TRIM48: variants seen among roughly 807,000 people sequenced by gnomAD.
TRIM48 encodes the protein tripartite motif containing 48.
A neutral mutation model predicts 29.5 loss-of-function variants in TRIM48; 31 were observed. The ratio of observed to expected loss-of-function variants is 1.05; its 90% CI spans 0.79 to 1.42. TRIM48 has a LOEUF of 1.42. Among genes scored for constraint, TRIM48 ranks in the 40% most tolerant of loss-of-function variants. TRIM48 has a pLI of 0.00. For synonymous variants in TRIM48, 128 were observed against 90.6 expected, an observed-to-expected ratio of 1.41 and a Z score of -2.34; for missense variants, 344 against 265.0, an observed-to-expected ratio of 1.30 and a Z score of -2.07.
chr11:55,263,281 G>T (rs1300321562), intron 1 of TRIM48, among the ~76,000 whole-genome samples: 1 of 152,102 alleles, frequency 6.6e-6, no homozygotes, highest in Non-Finnish European at 1.5e-5. Context: ...GGAGCAATAG[G>T]CTGTACTGTA....
At position 55,264,886 on chromosome 11, in the gene TRIM48, T is replaced by A. The variant is rs1857361644; in HGVS notation, c.45-14T>A. ...CCCAGACCCCAAAATGACATGCTGCTCTTTCTTCCTCAGAAACATGAATTC... is the reference window on the plus strand; with the variant it reads ...CCCAGACCCCAAAATGACATGCTGCACTTTCTTCCTCAGAAACATGAATTC... On this transcript the variant is annotated splice_polypyrimidine_tract_variant and intron_variant, in intron 1 of 5. Coordinates refer to ENST00000417545, the MANE Select transcript of TRIM48 (RefSeq NM_024114.5). 6.3e-7 allele frequency: 1 copy of A among 1,582,842 alleles called. No homozygotes were observed. The highest frequency in any genetic ancestry group is 1.4e-5 in the African/African-American group (1 of 73,474).
chr11:55,267,364 G>A (rs1318358062), intron 3 of TRIM48: 1 of 1,527,162 alleles, frequency 6.5e-7, no homozygotes, highest in Non-Finnish European at 8.9e-7. Context: ...AATAGGAGAT[G>A]GATATATACA....
intron 5 of TRIM48, 132 bp downstream of exon 5, chr11:55,269,471 A>C (rs1383572118): frequency 8.1e-7 from 1 of 1,237,940 alleles, no homozygotes; most frequent in Non-Finnish European, 1.1e-6. Flanking sequence ...TAATCATGCA[A>C]CCCTTTTGTA....
intron 5 of TRIM48, among the ~76,000 whole-genome samples, chr11:55,270,158 G>T (rs1004238409): frequency 1.4e-5 from 2 of 148,044 alleles, no homozygotes; most frequent in African/African-American, 2.5e-5. Context: ...TGCAAATTTT[G>T]CTTTGAAAAT....
In TRIM48 at chr11:55,270,585, C is replaced by A; in HGVS notation, c.*150C>A. The A allele has an allele frequency of 6.3e-7, 1 of 1,583,508 alleles. No homozygotes were observed. The highest frequency in any genetic ancestry group is 2.4e-5 in the East Asian group (1 of 41,358). On this transcript the variant is annotated 3_prime_UTR_variant, in exon 6 of 6. Transcript: ENST00000417545. ...TTCTTGCATGGGGTGCTCAGACTTTCACCTCTGGCAAATATTACTGGGAGG... is the reference window on the plus strand; with the variant it reads ...TTCTTGCATGGGGTGCTCAGACTTTAACCTCTGGCAAATATTACTGGGAGG...
At chr11:55,266,266 A>C (rs1000011305) in intron 3 of TRIM48, among the ~76,000 whole-genome samples, 1 of 147,768 alleles carries the variant, frequency 6.8e-6, no homozygotes, top group African/African-American at 2.5e-5. Flanking sequence ...ACATGCAAAC[A>C]TGCCCAAAAT....
At chr11:55,263,419 G>T (rs184077910) in intron 1 of TRIM48, among the ~76,000 whole-genome samples, 13 of 151,972 alleles carry the variant, frequency 8.6e-5, no homozygotes, top group Admixed American at 3.9e-4. Flanking sequence ...TTTGGAGGCC[G>T]TGGCAGGCAG....
rs932483043 is a variant in TRIM48 at position 55,265,490 on chromosome 11, C to A, written c.460-110C>A. ...AGGAAGAAGTGAAACAGAAGAAATG[C>A]CATTTACTAGGGACTTATTTGTCTC... On this transcript the variant is annotated intron_variant, in intron 2 of 5. Transcript: ENST00000417545. 2.1e-5 allele frequency: 31 copies of A among 1,477,656 alleles called. 2 individuals carry two copies. The Admixed American group carries it at 2.8e-4, about 13-fold the overall frequency. The allele number at this position is 1,477,656 out of a possible 1,614,324, so 91.5% of individuals were successfully genotyped here. A position where few individuals can be genotyped will look rare whatever the true frequency, so the allele number is the denominator to read the frequency against.
At chr11:55,263,985 G>T (rs1331692848) in intron 1 of TRIM48, among the ~76,000 whole-genome samples, 9 of 152,066 alleles carry the variant, frequency 5.9e-5, no homozygotes, top group Non-Finnish European at 1.2e-4. Context: ...GTCCCACTCA[G>T]CTCACCAACT....
At chr11:55,263,955 A>G (rs1478734063) in intron 1 of TRIM48, among the ~76,000 whole-genome samples, 2 of 152,026 alleles carry the variant, frequency 1.3e-5, no homozygotes, top group Non-Finnish European at 2.9e-5. Flanking sequence ...AATGGTACCC[A>G]CTCAAACTGA....
At chr11:55,264,317 T>C (rs1434644280) in intron 1 of TRIM48, among the ~76,000 whole-genome samples, 1 of 147,898 alleles carries the variant, frequency 6.8e-6, no homozygotes, top group East Asian at 2.1e-4. Flanking sequence ...GATTGGTTTT[T>C]CTATTTCGCT....
At chr11:55,267,634 T>G (rs2120111616) in intron 3 of TRIM48, 1 of 1,563,592 alleles carries the variant, frequency 6.4e-7, no homozygotes, top group African/African-American at 1.4e-5. Context: ...GTGGAGCTAC[T>G]TCAGGTACAA....
intron 3 of TRIM48, chr11:55,267,593 G>C: frequency 6.4e-7 from 1 of 1,562,482 alleles, no homozygotes; most frequent in East Asian, 2.4e-5. Context: ...GAATGTAAGC[G>C]GAGCTGATGA....
At position 55,265,799 on chromosome 11, in the gene TRIM48, A is replaced by C. The variant is rs1373344259; in HGVS notation, c.555+104A>C. 1.2e-4 allele frequency: 38 copies of C among 315,796 alleles called. 2 individuals are homozygous for C. Among genetic ancestry groups the C allele is most frequent in the Non-Finnish European group, 1.7e-4 (35 of 208,128 alleles). 19.6% of individuals were successfully genotyped at this position (315,796 alleles called of 1,614,324 possible). A position where few individuals can be genotyped will look rare whatever the true frequency, so the allele number is the denominator to read the frequency against. ...CAAACCGTAATGTTTCTGGGAGTCA[A>C]AAAAAAAAAAAAAAGAGAAGAAAAC... On this transcript the variant is annotated intron_variant, in intron 3 of 5. Coordinates refer to ENST00000417545, the MANE Select transcript of TRIM48 (RefSeq NM_024114.5).
At position 55,268,334 on chromosome 11, in the gene TRIM48, T is replaced by A. The variant is rs74459574; in HGVS notation, c.556-16T>A. On this transcript the variant is annotated splice_polypyrimidine_tract_variant and intron_variant, in intron 3 of 5. Transcript: ENST00000417545. ...TTGTGAACTGCACTAAATCTTTCTA[T>A]TTTTTTTTTTTACAGGCTTTTGGAG... 46 of 627,230 alleles carry A rather than the reference T, an allele frequency of 7.3e-5. 1 individual carries two copies. The highest frequency in any genetic ancestry group is 9.8e-5 in the Non-Finnish European group (44 of 450,008). 38.9% of individuals were successfully genotyped at this position (627,230 alleles called of 1,614,324 possible).
chr11:55,270,885 T>G lies in TRIM48; in HGVS notation c.*450T>G, dbSNP rs1027983361. 1.9e-6 allele frequency: 3 copies of G among 1,561,472 alleles called. 1 individual carries two copies. The highest frequency in any genetic ancestry group is 2.4e-5 in the East Asian group (1 of 41,086). On this transcript the variant is annotated 3_prime_UTR_variant, in exon 6 of 6. Coordinates refer to ENST00000417545, the MANE Select transcript of TRIM48 (RefSeq NM_024114.5). ...GCTCCCCTATATACACCATCCCTAATTGCTCCTTCTCACTTCCTCTCAGAC... is the reference window on the plus strand; with the variant it reads ...GCTCCCCTATATACACCATCCCTAAGTGCTCCTTCTCACTTCCTCTCAGAC...
chr11:55,264,819 T>G lies in TRIM48; in HGVS notation c.45-81T>G. ...TGAACACTGTCAAGAGAAGAAACTA[T>G]AGCTATCACTTATCTCCACATGTTC... On this transcript the variant is annotated intron_variant, in intron 1 of 5. Coordinates refer to ENST00000417545, the MANE Select transcript of TRIM48 (RefSeq NM_024114.5). The G allele has an allele frequency of 3.9e-6, 6 of 1,534,920 alleles. 1 individual carries two copies. The highest frequency in any genetic ancestry group is 5.3e-6 in the Non-Finnish European group (6 of 1,131,536).
In TRIM48 at chr11:55,269,435, T is replaced by C. The variant is rs1261450689; in HGVS notation, c.*1+96T>C. ...TTTCATCCTTTATCAAATATTTTAC[T>C]ACTTTATAAGCATAAGAGAACAATA... On this transcript the variant is annotated intron_variant, in intron 5 of 5. Transcript: ENST00000417545. The C allele has an allele frequency of 2.8e-6, 4 of 1,437,850 alleles. 1 individual carries two copies. The East Asian group carries it at 1.1e-4, about 39-fold the overall frequency. The allele number at this position is 1,437,850 out of a possible 1,614,324, so 89.1% of individuals were successfully genotyped here. A position where few individuals can be genotyped will look rare whatever the true frequency, so the allele number is the denominator to read the frequency against.
rs1373088798 is a variant in TRIM48, at chr11:55,267,450, A to C, written c.556-900A>C. ...CTAGAAGCTATTAAAGCTGAGTATC[A>C]GAAGATGCCTGCATTTCATCATGAA... On this transcript the variant is annotated intron_variant, in intron 3 of 5. Coordinates refer to ENST00000417545, the MANE Select transcript of TRIM48 (RefSeq NM_024114.5). The C allele has an allele frequency of 5.7e-6, 9 of 1,579,172 alleles. 3 individuals are homozygous for C. The East Asian group carries it at 2.2e-4, about 38-fold the overall frequency.
Sources: allele counts gnomAD v4.1 joint callset (sites outside exome capture counted in the v4.1 genomes callset), GRCh38; gene constraint gnomAD v4.1.1; transcripts MANE v1.5; gene names NCBI Gene and HGNC (gene_info 2026-07-23, HGNC 2026-07-21).